The following RARB variants were observed in gnomAD, a reference collection of about 807,000 sequenced individuals.
RARB encodes the protein HBV-activated protein.
A neutral mutation model predicts 51.9 loss-of-function variants in RARB; 17 were observed. The observed-to-expected ratio is 0.33, with a 90% CI of 0.22 to 0.49. The LOEUF (loss-of-function observed/expected upper bound fraction) is 0.49. Among genes scored for constraint, RARB ranks in the 20% least tolerant of loss-of-function variants. The pLI is 0.99. For missense variants in RARB, 369 were observed against 550.8 expected (o/e 0.67, Z 3.30); for synonymous variants, 215 against 195.4 (o/e 1.10, Z -0.84).
At chr3:25,564,534 G>C (rs1012816158) in intron 3 of RARB, among the ~76,000 whole-genome samples, 3 of 152,192 alleles carry the variant, frequency 2.0e-5, no homozygotes, top group Non-Finnish European at 4.4e-5. Flanking sequence ...TTAAGTTCTG[G>C]AAGAAAGAGG....
chr3:24,843,679 C>T (rs943024468), intron 1 of RARB, among the ~76,000 whole-genome samples: 1 of 152,134 alleles, frequency 6.6e-6, no homozygotes, highest in Non-Finnish European at 1.5e-5. Flanking sequence ...GCATCAGCAT[C>T]ATTTGGGAGC....
At chr3:25,594,026 T>C (rs1640505389) in intron 6 of RARB, among the ~76,000 whole-genome samples, 1 of 152,158 alleles carries the variant, frequency 6.6e-6, no homozygotes, top group African/African-American at 2.4e-5. Flanking sequence ...AAGGGACTTG[T>C]ATGTGCTGTT....
At chr3:25,360,861 G>A (rs998180188) in intron 5 of RARB, among the ~76,000 whole-genome samples, 1 of 152,064 alleles carries the variant, frequency 6.6e-6, no homozygotes, top group African/African-American at 2.4e-5. Context: ...TTAGTCTGTT[G>A]GGCTTCCCTT....
At chr3:24,976,054 A>G (rs1467577998) in intron 2 of RARB, among the ~76,000 whole-genome samples, 1 of 152,154 alleles carries the variant, frequency 6.6e-6, no homozygotes, top group Admixed American at 6.5e-5. Context: ...TCTGCAGAGA[A>G]TGATGGTTTC....
intron 3 of RARB, among the ~76,000 whole-genome samples, chr3:25,095,824 T>A (rs1699283339): frequency 1.3e-5 from 2 of 152,212 alleles, no homozygotes; most frequent in Admixed American, 6.5e-5. Context: ...TCACTTGTAG[T>A]TCTTCTTTCC....
At chr3:25,184,139 T>G (rs1029261090) in intron 5 of RARB, among the ~76,000 whole-genome samples, 2 of 151,882 alleles carry the variant, frequency 1.3e-5, no homozygotes, top group Non-Finnish European at 2.9e-5. Flanking sequence ...GTTTGTTGTT[T>G]TTTTTTTCTA....
At chr3:25,514,632 A>G (rs185439709) in intron 3 of RARB, among the ~76,000 whole-genome samples, 1 of 152,338 alleles carries the variant, frequency 6.6e-6, no homozygotes, top group Admixed American at 6.5e-5. Flanking sequence ...GGGGATTATA[A>G]CGTCAGTTGG....
intron 5 of RARB, among the ~76,000 whole-genome samples, chr3:25,277,786 G>C (rs1272737289): frequency 6.6e-6 from 1 of 152,158 alleles, no homozygotes; most frequent in African/African-American, 2.4e-5. Context: ...TAGCACATAA[G>C]TGCACTTTTT....
chr3:24,941,540 T>C (rs1189700140), intron 2 of RARB, among the ~76,000 whole-genome samples: 1 of 152,152 alleles, frequency 6.6e-6, no homozygotes, highest in African/African-American at 2.4e-5. Context: ...CGGCTCATTT[T>C]TGCATTTTTA....
At chr3:25,127,006 A>G (rs753732552) in intron 3 of RARB, among the ~76,000 whole-genome samples, 4 of 151,984 alleles carry the variant, frequency 2.6e-5, no homozygotes, top group African/African-American at 9.7e-5. Flanking sequence ...TCCACCCCAC[A>G]TTCATCCTGT....
intron 5 of RARB, among the ~76,000 whole-genome samples, chr3:25,258,455 A>C (rs1702920219): frequency 6.6e-6 from 1 of 152,104 alleles, no homozygotes; most frequent in East Asian, 1.9e-4. Context: ...TTGCTTGATG[A>C]AATGATTCTG....
At chr3:25,527,612 T>G (rs1013871787) in intron 3 of RARB, among the ~76,000 whole-genome samples, 6 of 152,202 alleles carry the variant, frequency 3.9e-5, no homozygotes, top group African/African-American at 1.4e-4. Context: ...ATGAAGCATT[T>G]AGTCCCAAAC....
intron 5 of RARB, among the ~76,000 whole-genome samples, chr3:25,184,682 G>C (rs1361853192): frequency 2.0e-5 from 3 of 152,052 alleles, no homozygotes; most frequent in African/African-American, 7.2e-5. Flanking sequence ...TGTTGTTCAT[G>C]ATCAATTTAC....
chr3:25,180,130 G>A lies in RARB; in HGVS notation c.178+5555G>A, dbSNP rs143389639. On this transcript the variant is annotated intron_variant, in intron 5 of 11. Coordinates refer to the RARB transcript ENST00000383772. ...CTAAGTAGAGGTAGGCTTTCAGTCC[G>A]TAGAGGCCATCATAAAGACGGGAAT... Among the ~76,000 whole-genome samples, 352 of 152,266 alleles carry A rather than the reference G, an allele frequency of 2.3e-3. 1 individual carries two copies. The highest frequency in any genetic ancestry group is 6.8e-3 in the Middle Eastern group (2 of 294).
chr3:25,576,869 T>C (rs551924367), intron 4 of RARB, among the ~76,000 whole-genome samples: 1 of 152,122 alleles, frequency 6.6e-6, no homozygotes, highest in African/African-American at 2.4e-5. Context: ...TTGGGGGCCT[T>C]CTCCTCTCTT....
chr3:25,329,117 A>C (rs1387740870), intron 5 of RARB, among the ~76,000 whole-genome samples: 2 of 152,342 alleles, frequency 1.3e-5, no homozygotes, highest in East Asian at 3.9e-4. Context: ...GATGAACAAA[A>C]GGCAGCAGAA....
At chr3:24,897,881 A>G (rs1425074486) in intron 2 of RARB, among the ~76,000 whole-genome samples, 1 of 152,162 alleles carries the variant, frequency 6.6e-6, no homozygotes, top group Non-Finnish European at 1.5e-5. Context: ...CCAAGAAGAC[A>G]TTTGCCAAAT....
intron 5 of RARB, among the ~76,000 whole-genome samples, chr3:25,367,803 CA>C (rs74565439): frequency 8.0e-6 from 1 of 124,428 alleles, no homozygotes; most frequent in Non-Finnish European, 1.6e-5. Context: ...GACCCTGTCA[CA>C]AAAAAAAACA....
chr3:24,902,192 C>A (rs1479551626), intron 2 of RARB, among the ~76,000 whole-genome samples: 1 of 152,180 alleles, frequency 6.6e-6, no homozygotes, highest in Non-Finnish European at 1.5e-5. Context: ...AGCAGCAGAT[C>A]TAGAATTTGA....
Sources: gnomAD v4.1 joint callset for allele counts (sites outside exome capture counted in the v4.1 genomes callset) on GRCh38, gnomAD v4.1.1 for gene constraint, MANE v1.5 for transcripts, NCBI Gene and HGNC (gene_info 2026-07-23, HGNC 2026-07-21) for gene names.